Variants in CRYBB1 observed in about 807,000 individuals in gnomAD.
The protein encoded by CRYBB1 is beta-crystallin B1.
In CRYBB1, 16 loss-of-function variants were observed where a neutral mutation model predicts 29.5. The observed-to-expected ratio is 0.54, with a 90% CI of 0.37 to 0.82. The LOEUF (loss-of-function observed/expected upper bound fraction) is 0.82, where lower values mean the gene tolerates loss of function less well. Among genes scored for constraint, CRYBB1 ranks in the 40% least tolerant of loss-of-function variants. The pLI is 0.00. For missense variants in CRYBB1, 300 were observed against 350.5 expected (o/e 0.86, Z 1.15); for synonymous variants, 127 against 136.7 (o/e 0.93, Z 0.49).
rs149300971 is a variant in CRYBB1 at position 26,599,307 on chromosome 22, C to T, written c.*183G>A. 95 of 608,760 alleles carry T rather than the reference C, an allele frequency of 1.6e-4. No homozygotes were observed. Among genetic ancestry groups the T allele is most frequent in the African/African-American group, 1.4e-3 (74 of 54,248 alleles). 37.7% of individuals were successfully genotyped at this position (608,760 alleles called of 1,614,324 possible). ...TTTCAGTGTTTGCTGCTTTTATTAT[C>T]GTTGTAATTATTAAGAGCGAGGAAG... On this transcript the variant is annotated 3_prime_UTR_variant, in exon 6 of 6. Coordinates refer to ENST00000647684, the MANE Select transcript of CRYBB1 (RefSeq NM_001887.4).
At chr22:26,617,108 G>A (rs1929381921) in intron 1 of CRYBB1, among the ~76,000 whole-genome samples, 1 of 152,164 alleles carries the variant, frequency 6.6e-6, no homozygotes, top group Non-Finnish European at 1.5e-5. Flanking sequence ...CGGGGACTGA[G>A]GCTTATGGGA....
intron 3 of CRYBB1, among the ~76,000 whole-genome samples, chr22:26,611,668 G>C (rs980147898): frequency 6.6e-6 from 1 of 151,944 alleles, no homozygotes. Context: ...TAGAGACGGG[G>C]TTTCACCTTG....
chr22:26,600,076 C>G (rs1012373829), intron 5 of CRYBB1, among the ~76,000 whole-genome samples: 7 of 152,166 alleles, frequency 4.6e-5, no homozygotes, highest in Non-Finnish European at 8.8e-5. Flanking sequence ...AACAATGAAG[C>G]AAATGAAAGA....
rs1367864054 is a variant in CRYBB1, at chr22:26,599,604, G to T, written c.645C>A (p.His215Gln). 4 of 1,614,198 alleles carry T rather than the reference G, an allele frequency of 2.5e-6. No individual in the cohort carries two copies. The highest frequency in any genetic ancestry group is 1.3e-5 in the African/African-American group (1 of 75,058). ...QYLLEPGDFR[H>Q]WNEWGAFQPQ... ...GCTGGAAGGCTCCCCACTCATTCCAGTGCCGGAAGTCACCAGGCTCTAGGA... is the reference window on the plus strand; with the variant it reads ...GCTGGAAGGCTCCCCACTCATTCCATTGCCGGAAGTCACCAGGCTCTAGGA... The change falls in exon 6 of 6, where the codon CAC (histidine) becomes CAA (glutamine). Residue 215 changes from histidine (H) to glutamine (Q), a missense_variant. Coordinates refer to ENST00000647684, the MANE Select transcript of CRYBB1 (RefSeq NM_001887.4).
At chr22:26,605,584 G>A (rs190830741) in intron 4 of CRYBB1, among the ~76,000 whole-genome samples, 2 of 145,666 alleles carry the variant, frequency 1.4e-5, no homozygotes, top group East Asian at 4.3e-4. Flanking sequence ...TGAGGCAGGA[G>A]AATTGCTTGC....
chr22:26,613,659 C>T (rs1347028933), intron 2 of CRYBB1, among the ~76,000 whole-genome samples: 1 of 152,166 alleles, frequency 6.6e-6, no homozygotes, highest in Non-Finnish European at 1.5e-5. Flanking sequence ...ATGTATGTCG[C>T]CTCAGGACCG....
At chr22:26,613,124 C>T (rs1364120803) in intron 2 of CRYBB1, among the ~76,000 whole-genome samples, 1 of 152,224 alleles carries the variant, frequency 6.6e-6, no homozygotes, top group Non-Finnish European at 1.5e-5. Context: ...GCTCAGGAGA[C>T]ACTTGCAAAT....
At chr22:26,610,569 A>C (rs1399810782) in intron 3 of CRYBB1, among the ~76,000 whole-genome samples, 1 of 152,182 alleles carries the variant, frequency 6.6e-6, no homozygotes, top group African/African-American at 2.4e-5. Context: ...TTTGGGGCTG[A>C]GGGTGGAGCT....
intron 3 of CRYBB1, among the ~76,000 whole-genome samples, chr22:26,608,914 G>A (rs1929069914): frequency 6.6e-6 from 1 of 152,178 alleles, no homozygotes; most frequent in Non-Finnish European, 1.5e-5. Context: ...CTAATTAGAA[G>A]TTTGAAATTA....
chr22:26,602,950 C>T (rs949256645), intron 4 of CRYBB1, among the ~76,000 whole-genome samples: 7 of 151,452 alleles, frequency 4.6e-5, no homozygotes, highest in East Asian at 1.9e-4. Flanking sequence ...GATGAAACCC[C>T]GTCTCTACTA....
chr22:26,608,827 T>C (rs958525511), intron 3 of CRYBB1, among the ~76,000 whole-genome samples: 1 of 152,192 alleles, frequency 6.6e-6, no homozygotes, highest in Non-Finnish European at 1.5e-5. Context: ...AAGGGAATGA[T>C]GGTAATATCT....
At chr22:26,603,751 AAATAAT>A (rs60006493) in intron 4 of CRYBB1, among the ~76,000 whole-genome samples, 3 of 149,820 alleles carry the variant, frequency 2.0e-5, no homozygotes, top group Non-Finnish European at 3.0e-5. Context: ...TAAAAATACA[AAATAAT>A]AATAATAATA....
intron 1 of CRYBB1, among the ~76,000 whole-genome samples, chr22:26,617,480 C>G (rs1197740539): frequency 2.0e-5 from 3 of 152,156 alleles, no homozygotes; most frequent in Admixed American, 6.5e-5. Context: ...CCCTGTTCAC[C>G]AGGGGTGAGG....
At chr22:26,602,261 G>A (rs926188190) in intron 4 of CRYBB1, among the ~76,000 whole-genome samples, 2 of 152,042 alleles carry the variant, frequency 1.3e-5, no homozygotes, top group African/African-American at 2.4e-5. Context: ...CACTGAGCAC[G>A]ATGCCTGGCA....
Position 26,599,448 on chromosome 22 carries a change from A to G in CRYBB1, c.*42T>C. Reference sequence around the variant, plus strand: ...GGAAAAATGGGGGAAATAATTGAACATGAAGAAGGGTTGGGGCAAGGTAGC... The same window carrying G: ...GGAAAAATGGGGGAAATAATTGAACGTGAAGAAGGGTTGGGGCAAGGTAGC... On this transcript the variant is annotated 3_prime_UTR_variant, in exon 6 of 6. Transcript: ENST00000647684. The G allele has an allele frequency of 6.4e-7, 1 of 1,564,552 alleles. No individual in the cohort carries two copies. The highest frequency in any genetic ancestry group is 8.7e-7 in the Non-Finnish European group (1 of 1,149,668).
chr22:26,611,403 G>A lies in CRYBB1; in HGVS notation c.299+669C>T, dbSNP rs184031320. ...ACGCCCAGGAGAGGGGACAGCGAGT[G>A]GACACTTCACTCTTTGACCTCTCTC... On this transcript the variant is annotated intron_variant, in intron 3 of 5. Transcript: ENST00000647684. Among the ~76,000 whole-genome samples the A allele has an allele frequency of 2.6e-5, 4 of 152,242 alleles. No homozygotes were observed. The East Asian group carries it at 7.7e-4, about 29-fold the overall frequency.
At chr22:26,609,344 G>A (rs543532036) in intron 3 of CRYBB1, among the ~76,000 whole-genome samples, 1 of 152,076 alleles carries the variant, frequency 6.6e-6, no homozygotes, top group African/African-American at 2.4e-5. Context: ...GCCCTGTCTG[G>A]TCTGGAGTAG....
intron 4 of CRYBB1, among the ~76,000 whole-genome samples, chr22:26,605,938 G>A (rs1928964956): frequency 6.6e-6 from 1 of 152,132 alleles, no homozygotes; most frequent in South Asian, 2.1e-4. Context: ...GCGGCCTGCA[G>A]GCCACATGTG....
At chr22:26,605,580 A>G (rs931889103) in intron 4 of CRYBB1, among the ~76,000 whole-genome samples, 20 of 149,294 alleles carry the variant, frequency 1.3e-4, no homozygotes, top group African/African-American at 3.9e-4. Flanking sequence ...AGGCTGAGGC[A>G]GGAGAATTGC....
Sources: gnomAD v4.1 joint callset for allele counts (sites outside exome capture counted in the v4.1 genomes callset) on GRCh38, gnomAD v4.1.1 for gene constraint, MANE v1.5 for transcripts, NCBI Gene and HGNC (gene_info 2026-07-23, HGNC 2026-07-21) for gene names.